Variants in PLXDC1 observed in about 807,000 individuals in gnomAD.
PLXDC1 encodes the protein plexin domain-containing protein 1.
A neutral mutation model predicts 61.3 loss-of-function variants in PLXDC1; 39 were observed. The observed-to-expected ratio is 0.64, with a 90% CI of 0.49 to 0.83. PLXDC1 has a LOEUF of 0.83. Ranked by LOEUF, PLXDC1 falls within the 40% of genes least tolerant of loss-of-function variation. PLXDC1 has a pLI of 0.00. For synonymous variants in PLXDC1, 212 were observed against 254.5 expected, an observed-to-expected ratio of 0.83 and a Z score of 1.59; for missense variants, 596 against 666.5, an observed-to-expected ratio of 0.89 and a Z score of 1.17.
At position 39,151,061 on chromosome 17, in the gene PLXDC1, G is replaced by A. The variant is rs957506400; in HGVS notation, c.76+301C>T. Among the ~76,000 whole-genome samples the A allele has an allele frequency of 6.6e-6, 1 of 152,076 alleles. No homozygotes were observed. The highest frequency in any genetic ancestry group is 2.4e-5 in the African/African-American group (1 of 41,404). On this transcript the variant is annotated intron_variant, in intron 1 of 13. Transcript: ENST00000315392. The surrounding 1 kb of genome is among the most constrained non-coding windows in gnomAD (Gnocchi z 5.2). ...GATCAGGGGTCCTGATGACTCTCCC[G>A]CTGTCCCCTTTCAGAGCCCATGGCC...
At chr17:39,117,564 C>G (rs555678102) in intron 2 of PLXDC1, among the ~76,000 whole-genome samples, 7 of 133,038 alleles carry the variant, frequency 5.3e-5, no homozygotes, top group South Asian at 2.4e-4. Flanking sequence ...GACCCTCCCC[C>G]CAAGTCTACA....
chr17:39,122,771 A>C (rs574493870), intron 2 of PLXDC1, among the ~76,000 whole-genome samples: 30 of 152,332 alleles, frequency 2.0e-4, no homozygotes, highest in African/African-American at 7.2e-4. Context: ...TGTTTCCTTG[A>C]AATGTGTGCA....
intron 7 of PLXDC1, among the ~76,000 whole-genome samples, chr17:39,103,845 C>CAAA (rs11370520): frequency 5.7e-4 from 66 of 116,490 alleles, no homozygotes; most frequent in African/African-American, 1.1e-3. Flanking sequence ...GACTCTGTCT[C>CAAA]AAAAAAAAAA....
intron 2 of PLXDC1, among the ~76,000 whole-genome samples, chr17:39,129,711 G>GGAAGGAAAGAAAGAAAGAAA (rs1911486272): frequency 1.8e-5 from 2 of 108,256 alleles, no homozygotes; most frequent in African/African-American, 7.1e-5. Flanking sequence ...AAAGAAAGAA[G>GGAAGGAAAGAAAGAAAGAAA]GAAAGAAAGA....
chr17:39,083,595 A>C (rs1220906325), intron 8 of PLXDC1, 55 bp from the exon 9 acceptor site: 17 of 1,320,416 alleles, frequency 1.3e-5, no homozygotes, highest in East Asian at 2.4e-5. Flanking sequence ...TGGGCTCCAA[A>C]GGGTGCAACT....
At chr17:39,072,016 C>T (rs1162737434) in intron 12 of PLXDC1, 3 of 174,680 alleles carry the variant, frequency 1.7e-5, no homozygotes, top group Admixed American at 5.5e-5. Flanking sequence ...AAAATTGTAG[C>T]GGACAATTTT....
chr17:39,113,302 G>C (rs918293600), intron 2 of PLXDC1: 1 of 152,232 alleles, frequency 6.6e-6, no homozygotes, highest in African/African-American at 2.4e-5. Context: ...CTGGCCTCCA[G>C]AACTGCAAGT....
chr17:39,131,656 C>G (rs915885946), intron 2 of PLXDC1: 1 of 152,658 alleles, frequency 6.6e-6, no homozygotes, highest in African/African-American at 2.4e-5. Context: ...CCCAGACAAC[C>G]TTTATCTTCT....
At chr17:39,092,866 T>G (rs1168193083) in intron 7 of PLXDC1, among the ~76,000 whole-genome samples, 2 of 152,084 alleles carry the variant, frequency 1.3e-5, no homozygotes, top group Admixed American at 1.3e-4. Context: ...TTGTTGCCAA[T>G]TTCTGTGGTG....
At chr17:39,098,205 C>CAAAAAA (rs56027303) in intron 7 of PLXDC1, among the ~76,000 whole-genome samples, 1 of 101,486 alleles carries the variant, frequency 9.9e-6, no homozygotes, top group Non-Finnish European at 2.0e-5. Flanking sequence ...AACTCCATCT[C>CAAAAAA]AAAAAAAAAA....
At chr17:39,076,077 GAA>G (rs71352340) in intron 11 of PLXDC1, among the ~76,000 whole-genome samples, 2 of 82,396 alleles carry the variant, frequency 2.4e-5, no homozygotes, top group African/African-American at 5.4e-5. Context: ...GACTAAGTCT[GAA>G]AAAAAAAAAA....
At chr17:39,149,200 C>T (rs1016710337) in intron 1 of PLXDC1, among the ~76,000 whole-genome samples, 1 of 152,168 alleles carries the variant, frequency 6.6e-6, no homozygotes, top group Non-Finnish European at 1.5e-5. Flanking sequence ...GCCTGTCCAT[C>T]AGGAGCGAGG....
intron 7 of PLXDC1, among the ~76,000 whole-genome samples, chr17:39,089,424 A>G (rs1407258345): frequency 6.6e-6 from 1 of 152,220 alleles, no homozygotes; most frequent in Non-Finnish European, 1.5e-5. Flanking sequence ...TCATGGGGAA[A>G]GGCAGAGAAT....
Position 39,067,725 on chromosome 17 carries a change from C to T in PLXDC1, c.*115G>A. 1.9e-6 allele frequency: 2 copies of T among 1,027,414 alleles called. No homozygotes were observed. Among genetic ancestry groups the T allele is most frequent in the South Asian group, 1.6e-5 (1 of 61,506 alleles). The allele number at this position is 1,027,414 out of a possible 1,614,324, so 63.6% of individuals were successfully genotyped here. The stretch of plus-strand genomic sequence containing the variant: ...GCAGCAGCTCTGGAGCCATAAACCA[C>T]CATCTCATCTCAGCCCAGGGCATGC... On this transcript the variant is annotated 3_prime_UTR_variant, in exon 14 of 14. Coordinates refer to ENST00000315392, the MANE Select transcript of PLXDC1 (RefSeq NM_020405.5).
chr17:39,128,161 A>G lies in PLXDC1; in HGVS notation c.255+11493T>C, dbSNP rs1234399342. Among the ~76,000 whole-genome samples the G allele has an allele frequency of 1.1e-3, 87 of 76,916 alleles. 4 individuals carry two copies. The highest frequency in any genetic ancestry group is 1.9e-3 in the Non-Finnish European group (77 of 41,150). The allele number at this position is 76,916 out of a possible 152,430, so 50.5% of individuals were successfully genotyped here. ...TATGTATATATATGTGTGTATATAT[A>G]TGTATATATATGTATATATATATGT... is the stretch of plus-strand genomic sequence containing the variant. On this transcript the variant is annotated intron_variant, in intron 2 of 13. Transcript: ENST00000315392.
chr17:39,142,471 C>T (rs528243260), intron 1 of PLXDC1, among the ~76,000 whole-genome samples: 8 of 152,272 alleles, frequency 5.3e-5, no homozygotes, highest in African/African-American at 1.9e-4. Flanking sequence ...CTGGAGGTTG[C>T]GAAATGGCTT....
chr17:39,084,370 A>G (rs1310801645), intron 8 of PLXDC1, among the ~76,000 whole-genome samples: 3 of 152,250 alleles, frequency 2.0e-5, no homozygotes, highest in Non-Finnish European at 4.4e-5. Context: ...CTGTGAGATG[A>G]TGGATATGTT....
Position 39,086,859 on chromosome 17 carries a change from CA to C in PLXDC1, c.907+747del, listed in dbSNP as rs765774886. Among the ~76,000 whole-genome samples, 766 of 71,470 alleles carry C rather than the reference CA, an allele frequency of 0.011. 2 individuals are homozygous for C. In the Middle Eastern group the frequency reaches 0.11, roughly 10 times the overall value. The allele number at this position is 71,470 out of a possible 152,430, so 46.9% of individuals were successfully genotyped here. On this transcript the variant is annotated intron_variant, in intron 8 of 13. Transcript: ENST00000315392. ...CCTGGGCAACAGAGTGAGACTGTCT[CA>C]AAAAAAAAAAAAAAAAAAAAGAAGA...
chr17:39,109,451 C>A, intron 2 of PLXDC1, 60 bp from the exon 3 acceptor site: 1 of 1,529,482 alleles, frequency 6.5e-7, no homozygotes. Flanking sequence ...CCAGGACTGA[C>A]TCTCCGCCCT....
Sources: gnomAD v4.1 joint callset for allele counts (sites outside exome capture counted in the v4.1 genomes callset) on GRCh38, gnomAD v4.1.1 for gene constraint, Gnocchi (gnomAD v3.1) non-coding constraint, MANE v1.5 for transcripts, NCBI Gene and HGNC (gene_info 2026-07-23, HGNC 2026-07-21) for gene names.